The following EPB41L5 variants were observed in gnomAD, a reference collection of about 807,000 sequenced individuals.
EPB41L5 encodes the protein band 4.1-like protein 5.
In EPB41L5, 55 loss-of-function variants were observed where a neutral mutation model predicts 106.6. The observed-to-expected ratio is 0.52, with a 90% CI of 0.42 to 0.65. EPB41L5 has a LOEUF of 0.65. Among genes scored for constraint, EPB41L5 ranks in the 30% least tolerant of loss-of-function variants. The pLI is 0.00. For missense variants in EPB41L5, 871 were observed against 882.1 expected (o/e 0.99, Z 0.16); for synonymous variants, 297 against 306.7 (o/e 0.97, Z 0.33).
intron 3 of EPB41L5, among the ~76,000 whole-genome samples, chr2:120,044,100 A>G (rs959049115): frequency 6.6e-6 from 1 of 150,870 alleles, no homozygotes; most frequent in Non-Finnish European, 1.5e-5. Context: ...TGATCATGCC[A>G]CTGCACTCTA....
chr2:120,055,412 A>C (rs945424370), intron 3 of EPB41L5, among the ~76,000 whole-genome samples: 2 of 149,332 alleles, frequency 1.3e-5, no homozygotes, highest in African/African-American at 5.0e-5. Context: ...TTTGGGGAAT[A>C]TTGCCATTTT....
intron 20 of EPB41L5, among the ~76,000 whole-genome samples, chr2:120,155,617 C>A (rs1195922100): frequency 6.6e-6 from 1 of 152,038 alleles, no homozygotes; most frequent in Non-Finnish European, 1.5e-5. Flanking sequence ...TTATAGAACT[C>A]CTGTAATACG....
chr2:120,030,042 C>T (rs1022303460), intron 2 of EPB41L5, among the ~76,000 whole-genome samples: 2 of 152,308 alleles, frequency 1.3e-5, no homozygotes, highest in East Asian at 3.9e-4. Context: ...GAAATGATGA[C>T]AGTGAAAGAA....
chr2:120,128,125 A>C, intron 17 of EPB41L5: 1 of 220,630 alleles, frequency 4.5e-6, no homozygotes, highest in Non-Finnish European at 8.9e-6. Flanking sequence ...GAGTGGAAAC[A>C]TTTTCTAGGG....
chr2:120,160,723 A>G, intron 20 of EPB41L5, 158 bp from the exon 21 acceptor site: 1 of 595,958 alleles, frequency 1.7e-6, no homozygotes, highest in Non-Finnish European at 3.0e-6. Context: ...ATGTCTCATC[A>G]TAGTTTGGAT....
intron 13 of EPB41L5, 56 bp from the exon 14 acceptor site, chr2:120,093,193 A>C (rs1049830973): frequency 1.4e-6 from 2 of 1,424,746 alleles, no homozygotes; most frequent in Non-Finnish European, 2.0e-6. Flanking sequence ...TGAATAGTGC[A>C]GCAGTTTATC....
chr2:120,072,134 G>A (rs1442387372), intron 3 of EPB41L5, among the ~76,000 whole-genome samples: 1 of 152,142 alleles, frequency 6.6e-6, no homozygotes, highest in Non-Finnish European at 1.5e-5. Context: ...GATATGAACA[G>A]ACACTTCTCA....
At chr2:120,149,558 A>G (rs2105509784) in intron 20 of EPB41L5, among the ~76,000 whole-genome samples, 1 of 152,348 alleles carries the variant, frequency 6.6e-6, no homozygotes. Context: ...ACTATTATGT[A>G]TCAGGACTTT....
chr2:120,055,317 G>A lies in EPB41L5; in HGVS notation c.285+13207G>A, dbSNP rs77619846. On this transcript the variant is annotated intron_variant, in intron 3 of 24. Coordinates refer to ENST00000263713, the MANE Select transcript of EPB41L5 (RefSeq NM_020909.4). ...GTTATTCTGAGTCCCTTGCATTTCC[G>A]TATAAATCTTAGGGTCAGCTTATCC... is the stretch of plus-strand genomic sequence containing the variant. 5.5e-3 allele frequency among the ~76,000 whole-genome samples: 832 copies of A among 152,006 alleles called. 5 individuals are homozygous for A. Among genetic ancestry groups the A allele is most frequent in the African/African-American group, 0.018 (767 of 41,472 alleles).
At chr2:120,133,071 G>A (rs886869087) in intron 18 of EPB41L5, among the ~76,000 whole-genome samples, 1 of 152,158 alleles carries the variant, frequency 6.6e-6, no homozygotes, top group African/African-American at 2.4e-5. Flanking sequence ...GAGTAAAGGA[G>A]CACTTTAGGT....
chr2:120,120,183 C>G (rs570784199), intron 16 of EPB41L5, among the ~76,000 whole-genome samples: 21 of 152,030 alleles, frequency 1.4e-4, no homozygotes, highest in Non-Finnish European at 2.9e-4. Context: ...AATCCCAGCA[C>G]TTTGGGAGGC....
chr2:120,019,642 A>T (rs1006276442), intron 2 of EPB41L5, among the ~76,000 whole-genome samples: 2 of 152,224 alleles, frequency 1.3e-5, no homozygotes, highest in African/African-American at 4.8e-5. Context: ...GAATAACAAC[A>T]CTTAAATGTG....
chr2:120,119,517 G>T (rs1685111791), intron 16 of EPB41L5, among the ~76,000 whole-genome samples: 1 of 151,942 alleles, frequency 6.6e-6, no homozygotes, highest in African/African-American at 2.4e-5. Context: ...AATCCATCTT[G>T]AGTTAATTTT....
chr2:120,159,300 G>A (rs1302332212), intron 20 of EPB41L5, among the ~76,000 whole-genome samples: 1 of 150,678 alleles, frequency 6.6e-6, no homozygotes, highest in Non-Finnish European at 1.5e-5. Flanking sequence ...GCAGGTGCCT[G>A]TAATCCCAGC....
In EPB41L5 at chr2:120,113,874, T is replaced by C. The variant is rs77064825; in HGVS notation, c.1337+13060T>C. Among the ~76,000 whole-genome samples the C allele has an allele frequency of 7.6e-3, 1,152 of 152,336 alleles. 12 individuals carry two copies. Among genetic ancestry groups the C allele is most frequent in the African/African-American group, 0.026 (1,093 of 41,574 alleles). Reference sequence around the variant, plus strand: ...TTAATGGCTTAATAATATTCCCTTGTATGATGCCCAGTGTTTTATTTATCC... The same window carrying C: ...TTAATGGCTTAATAATATTCCCTTGCATGATGCCCAGTGTTTTATTTATCC... On this transcript the variant is annotated intron_variant, in intron 16 of 24. Coordinates refer to ENST00000263713, the MANE Select transcript of EPB41L5 (RefSeq NM_020909.4).
intron 9 of EPB41L5, 77 bp from the exon 10 acceptor site, chr2:120,078,412 AAAAT>A: frequency 1.2e-6 from 1 of 818,312 alleles, no homozygotes; most frequent in South Asian, 1.8e-5. Context: ...ATTCAATACA[AAAAT>A]AAAATTTAAA....
chr2:120,128,443 T>C (rs984423802), intron 17 of EPB41L5, among the ~76,000 whole-genome samples: 3 of 152,208 alleles, frequency 2.0e-5, no homozygotes, highest in African/African-American at 7.2e-5. Context: ...GCAGCTTGTA[T>C]TTATTTGGCT....
At chr2:120,140,047 A>G (rs181935239) in intron 18 of EPB41L5, among the ~76,000 whole-genome samples, 2 of 152,226 alleles carry the variant, frequency 1.3e-5, no homozygotes, top group African/African-American at 4.8e-5. Context: ...CACTATATTA[A>G]GAGAAGCCAG....
In EPB41L5 at chr2:120,024,148, T is replaced by C. The variant is rs1203522799; in HGVS notation, c.180+4884T>C. Among the ~76,000 whole-genome samples, 4 of 152,178 alleles carry C rather than the reference T, an allele frequency of 2.6e-5. No homozygotes were observed. In the South Asian group the frequency reaches 8.3e-4, roughly 31 times the overall value. On this transcript the variant is annotated intron_variant, in intron 2 of 24. Coordinates refer to ENST00000263713, the MANE Select transcript of EPB41L5 (RefSeq NM_020909.4). Reference sequence around the variant, plus strand: ...ACAGAGGCAATTTGACTTCCTCTCTTCCCATCTGAATACGCTTTATTTCTT... The same window carrying C: ...ACAGAGGCAATTTGACTTCCTCTCTCCCCATCTGAATACGCTTTATTTCTT...
Sources: allele counts gnomAD v4.1 joint callset (sites outside exome capture counted in the v4.1 genomes callset), GRCh38; gene constraint gnomAD v4.1.1; transcripts MANE v1.5; gene names NCBI Gene and HGNC (gene_info 2026-07-23, HGNC 2026-07-21).